LDLRAD4: variants seen among roughly 807,000 people sequenced by gnomAD.
LDLRAD4 encodes the protein low-density lipoprotein receptor class A domain-containing protein 4.
In LDLRAD4, 5 loss-of-function variants were observed where a neutral mutation model predicts 17.0. The observed-to-expected ratio is 0.29, with a 90% CI of 0.15 to 0.62. LDLRAD4 has a LOEUF of 0.62. Among genes scored for constraint, LDLRAD4 ranks in the 20% least tolerant of loss-of-function variants. The pLI is 0.84. For missense variants in LDLRAD4, 340 were observed against 424.7 expected, an observed-to-expected ratio of 0.80 and a Z score of 1.75; for synonymous variants, 168 against 171.8, an observed-to-expected ratio of 0.98 and a Z score of 0.17.
chr18:13,340,382 AC>A (rs1432236590), intron 1 of LDLRAD4, among the ~76,000 whole-genome samples: 1 of 152,148 alleles, frequency 6.6e-6, no homozygotes, highest in African/African-American at 2.4e-5. Flanking sequence ...TTACATTCCT[AC>A]TAGCAATGCA....
At chr18:13,434,251 T>TG (rs1175312033) in intron 2 of LDLRAD4, among the ~76,000 whole-genome samples, 3 of 151,574 alleles carry the variant, frequency 2.0e-5, no homozygotes, top group Non-Finnish European at 4.4e-5. Context: ...CTCCTAAGTT[T>TG]TTTTTTTTTT....
chr18:13,553,699 C>G (rs2148112151), intron 3 of LDLRAD4, among the ~76,000 whole-genome samples: 1 of 152,316 alleles, frequency 6.6e-6, no homozygotes, highest in South Asian at 2.1e-4. Flanking sequence ...TGGCTAACCT[C>G]CATTTCTACT....
intron 1 of LDLRAD4, among the ~76,000 whole-genome samples, chr18:13,219,833 A>G (rs139908393): frequency 3.3e-5 from 5 of 152,342 alleles, no homozygotes; most frequent in African/African-American, 1.2e-4. Context: ...GGTTCTGCAA[A>G]GTCTGCACAG....
chr18:13,421,632 C>G (rs766914628), intron 2 of LDLRAD4, among the ~76,000 whole-genome samples: 1 of 152,130 alleles, frequency 6.6e-6, no homozygotes, highest in Non-Finnish European at 1.5e-5. Flanking sequence ...AGAAGGCACC[C>G]GTGGCTGCCC....
chr18:13,601,524 G>A (rs2148635157), intron 3 of LDLRAD4, among the ~76,000 whole-genome samples: 1 of 152,084 alleles, frequency 6.6e-6, no homozygotes, highest in Non-Finnish European at 1.5e-5. Flanking sequence ...CATGGTGGCG[G>A]GCGCCTGTAG....
intron 1 of LDLRAD4, among the ~76,000 whole-genome samples, chr18:13,244,229 A>T (rs1432669809): frequency 6.9e-6 from 1 of 144,012 alleles, no homozygotes; most frequent in Non-Finnish European, 1.5e-5. Context: ...CCATTAATCC[A>T]TCTACCTCCT....
At chr18:13,531,054 C>T (rs1423136066) in intron 3 of LDLRAD4, among the ~76,000 whole-genome samples, 2 of 152,274 alleles carry the variant, frequency 1.3e-5, no homozygotes, top group African/African-American at 2.4e-5. Context: ...CAGGCTGGTC[C>T]GCTTGCTGGC....
chr18:13,376,504 G>A (rs1425549460), intron 1 of LDLRAD4, among the ~76,000 whole-genome samples: 1 of 152,184 alleles, frequency 6.6e-6, no homozygotes, highest in Non-Finnish European at 1.5e-5. Flanking sequence ...TCTCCTGCCT[G>A]GATCTGACGG....
intron 4 of LDLRAD4, among the ~76,000 whole-genome samples, chr18:13,633,591 G>A (rs916527228): frequency 5.9e-5 from 9 of 152,196 alleles, no homozygotes; most frequent in Admixed American, 1.3e-4. Context: ...GCATATCAGC[G>A]CTGCCCCAAA....
intron 3 of LDLRAD4, among the ~76,000 whole-genome samples, chr18:13,511,836 C>T (rs2093785270): frequency 1.3e-5 from 2 of 152,270 alleles, no homozygotes; most frequent in Admixed American, 1.3e-4. Context: ...AAGAGAAGAC[C>T]TTGGCCTCCT....
At chr18:13,267,556 G>A (rs1433858319) in intron 1 of LDLRAD4, among the ~76,000 whole-genome samples, 1 of 152,246 alleles carries the variant, frequency 6.6e-6, no homozygotes, top group Non-Finnish European at 1.5e-5. Context: ...GTGTTTGCAT[G>A]TATGAGATCA....
At chr18:13,219,568 T>C (rs1303472362) in intron 1 of LDLRAD4, among the ~76,000 whole-genome samples, 3 of 152,232 alleles carry the variant, frequency 2.0e-5, no homozygotes, top group East Asian at 1.9e-4. Context: ...TAAGAGTAGC[T>C]GCACAGAATG....
At chr18:13,558,911 C>T (rs2094512473) in intron 3 of LDLRAD4, among the ~76,000 whole-genome samples, 2 of 1,850 alleles carry the variant, frequency 1.1e-3, no homozygotes, top group South Asian at 0.5. Context: ...AAGAGCAAGT[C>T]ATCGGGGGCC....
At chr18:13,305,284 G>A (rs1034163887) in intron 1 of LDLRAD4, among the ~76,000 whole-genome samples, 1 of 152,096 alleles carries the variant, frequency 6.6e-6, no homozygotes, top group Non-Finnish European at 1.5e-5. Context: ...GAAATGTAAC[G>A]CAAACACAAA....
chr18:13,559,343 AG>A (rs1409267920), intron 3 of LDLRAD4, among the ~76,000 whole-genome samples: 3 of 152,222 alleles, frequency 2.0e-5, no homozygotes, highest in Admixed American at 6.5e-5. Flanking sequence ...GACCTGGAAG[AG>A]GGAACCTGCC....
At chr18:13,404,468 T>C (rs2145577449) in intron 2 of LDLRAD4, among the ~76,000 whole-genome samples, 1 of 152,332 alleles carries the variant, frequency 6.6e-6, no homozygotes, top group African/African-American at 2.4e-5. Context: ...GCTGCTCCTG[T>C]GCTGGGCGCT....
intron 1 of LDLRAD4, among the ~76,000 whole-genome samples, chr18:13,254,558 C>G (rs1269689261): frequency 6.6e-6 from 1 of 152,208 alleles, no homozygotes; most frequent in Non-Finnish European, 1.5e-5. Context: ...GCCAGGAAGT[C>G]CAGCGGCATC....
At chr18:13,243,578 C>G (rs1015927661) in intron 1 of LDLRAD4, among the ~76,000 whole-genome samples, 1 of 151,420 alleles carries the variant, frequency 6.6e-6, no homozygotes, top group African/African-American at 2.4e-5. Context: ...CCTACCCACC[C>G]ATTCCTCTAT....
intron 1 of LDLRAD4, among the ~76,000 whole-genome samples, chr18:13,225,898 G>T: frequency 6.6e-6 from 1 of 151,964 alleles, no homozygotes. Context: ...CTATTCTATG[G>T]TTATATTGTT....
Sources: allele counts gnomAD v4.1 joint callset (sites outside exome capture counted in the v4.1 genomes callset), GRCh38; gene constraint gnomAD v4.1.1; transcripts MANE v1.5; gene names NCBI Gene and HGNC (gene_info 2026-07-23, HGNC 2026-07-21).